The following RBFOX1 variants were observed in gnomAD, a reference collection of about 807,000 sequenced individuals.
RBFOX1 encodes the protein RNA binding protein fox-1 homolog 1.
RBFOX1 carries 8 observed loss-of-function variants against 57.7 expected under a neutral mutation model. The ratio of observed to expected loss-of-function variants is 0.14; its 90% CI spans 0.08 to 0.25. The LOEUF (loss-of-function observed/expected upper bound fraction) is 0.25, where lower values mean the gene tolerates loss of function less well. Among genes scored for constraint, RBFOX1 ranks in the 10% least tolerant of loss-of-function variants. RBFOX1 has a pLI of 1.00. For synonymous variants in RBFOX1, 326 were observed against 222.4 expected (o/e 1.47, Z -4.15); for missense variants, 611 against 548.5 (o/e 1.11, Z -1.14).
chr16:5,818,272 C>G (rs2055716345), intron 3 of RBFOX1, among the ~76,000 whole-genome samples: 1 of 152,162 alleles, frequency 6.6e-6, no homozygotes, highest in African/African-American at 2.4e-5. Flanking sequence ...AGGCAATGGA[C>G]TGACAGGGTG....
At chr16:6,159,411 C>T (rs563396678) in intron 1 of RBFOX1, among the ~76,000 whole-genome samples, 95 of 152,226 alleles carry the variant, frequency 6.2e-4, no homozygotes, top group Non-Finnish European at 1.0e-3. Context: ...AAGCTCCTTT[C>T]TTCTTAGTGG....
chr16:7,359,234 C>T (rs12925135), intron 4 of RBFOX1, among the ~76,000 whole-genome samples: 29,057 of 151,926 alleles, frequency 0.19, 2,968 homozygotes, highest in African/African-American at 0.25. Flanking sequence ...CTCAGAGGGA[C>T]GATTATGAGA....
chr16:5,445,508 G>A (rs981264475), intron 1 of RBFOX1, among the ~76,000 whole-genome samples: 3 of 152,166 alleles, frequency 2.0e-5, no homozygotes, highest in South Asian at 2.1e-4. Flanking sequence ...TAAAACAACC[G>A]ATCAGTTACA....
chr16:7,190,983 C>T (rs1362020150), intron 4 of RBFOX1, among the ~76,000 whole-genome samples: 3 of 151,820 alleles, frequency 2.0e-5, no homozygotes, highest in African/African-American at 7.3e-5. Context: ...AAAAAGGGGC[C>T]CAGGAATGCG....
At chr16:6,848,569 AAAG>A (rs1270237926) in intron 3 of RBFOX1, among the ~76,000 whole-genome samples, 1 of 152,092 alleles carries the variant, frequency 6.6e-6, no homozygotes, top group Non-Finnish European at 1.5e-5. Context: ...AGATAGAAAA[AAAG>A]GTGATAGAAC....
At chr16:7,303,637 T>C (rs999495087) in intron 4 of RBFOX1, among the ~76,000 whole-genome samples, 6 of 152,028 alleles carry the variant, frequency 3.9e-5, no homozygotes, top group Admixed American at 6.6e-5. Flanking sequence ...AAAAAATCTT[T>C]CCCCTGGACC....
intron 1 of RBFOX1, among the ~76,000 whole-genome samples, chr16:6,280,441 G>C (rs1214092774): frequency 6.6e-6 from 1 of 152,144 alleles, no homozygotes; most frequent in African/African-American, 2.4e-5. Flanking sequence ...GATGGAGACA[G>C]ATTGGAGACA....
chr16:5,301,636 A>AAAC lies in RBFOX1; in HGVS notation c.219+61533_219+61535dup, dbSNP rs1184958941. 5.4e-5 allele frequency among the ~76,000 whole-genome samples: 8 copies of AAAC among 148,946 alleles called. 1 individual carries two copies. The highest frequency in any genetic ancestry group is 8.9e-5 in the Non-Finnish European group (6 of 67,666). ...TCCATCTCAAAAAAAAAAAAAAAAA[A>AAAC]AACACACAAAAACAAAAAACTGAGC... On this transcript the variant is annotated intron_variant, in intron 1 of 2. Transcript: ENST00000585867.
At chr16:5,508,949 G>T (rs976427419) in intron 2 of RBFOX1, among the ~76,000 whole-genome samples, 11 of 152,142 alleles carry the variant, frequency 7.2e-5, no homozygotes, top group African/African-American at 2.7e-4. Flanking sequence ...CTACGTCTTT[G>T]CCCACTCATC....
At position 7,605,946 on chromosome 16, in the gene RBFOX1, C is replaced by T. The variant is rs1043776548; in HGVS notation, c.623-1339C>T. Among the ~76,000 whole-genome samples, 4 of 151,912 alleles carry T rather than the reference C, an allele frequency of 2.6e-5. No homozygotes were observed. The East Asian group carries it at 5.8e-4, about 22-fold the overall frequency. On this transcript the variant is annotated intron_variant, in intron 9 of 15. Coordinates refer to ENST00000550418, the MANE Select transcript of RBFOX1 (RefSeq NM_018723.4). ...CTCTGACTCCCAGCTTCAAGCGATTCTCATGCCTCAGCCTGATTAGTTGTT... is the reference window on the plus strand; with the variant it reads ...CTCTGACTCCCAGCTTCAAGCGATTTTCATGCCTCAGCCTGATTAGTTGTT...
At chr16:7,575,130 C>T (rs540200275) in intron 5 of RBFOX1, among the ~76,000 whole-genome samples, 45 of 151,982 alleles carry the variant, frequency 3.0e-4, no homozygotes, top group African/African-American at 4.1e-4. Context: ...AGGATGGGCT[C>T]AACAATTAAT....
At chr16:5,566,622 ATGTATATATG>A (rs1454414235) in intron 2 of RBFOX1, among the ~76,000 whole-genome samples, 3 of 150,152 alleles carry the variant, frequency 2.0e-5, no homozygotes, top group Non-Finnish European at 4.4e-5. Context: ...ATGTATATGT[ATGTATATATG>A]TGTATATGTG....
chr16:7,175,541 G>A (rs2081492821), intron 4 of RBFOX1, among the ~76,000 whole-genome samples: 1 of 152,138 alleles, frequency 6.6e-6, no homozygotes, highest in Non-Finnish European at 1.5e-5. Context: ...GTGTGAACAT[G>A]CCACAGGTAG....
chr16:6,630,787 T>C (rs778740252), intron 2 of RBFOX1, among the ~76,000 whole-genome samples: 3 of 152,168 alleles, frequency 2.0e-5, no homozygotes, highest in Non-Finnish European at 2.9e-5. Flanking sequence ...AGTTGACCTA[T>C]GTTACCCGAC....
intron 4 of RBFOX1, among the ~76,000 whole-genome samples, chr16:7,178,849 C>T (rs577923171): frequency 2.0e-5 from 3 of 152,274 alleles, no homozygotes; most frequent in African/African-American, 4.8e-5. Flanking sequence ...AAGGAACATA[C>T]TTCATACTTC....
In RBFOX1 at chr16:5,986,726, C is replaced by G. The variant is rs538263225; in HGVS notation, c.351+119391C>G. Reference sequence around the variant, plus strand: ...TGTGTATCAATATTTCACTCCCTTTCATTGCTGAATAGTGTCCCATGGTAT... The same window carrying G: ...TGTGTATCAATATTTCACTCCCTTTGATTGCTGAATAGTGTCCCATGGTAT... On this transcript the variant is annotated intron_variant, in intron 4 of 19. Coordinates refer to the RBFOX1 transcript ENST00000641259. 3.7e-4 allele frequency among the ~76,000 whole-genome samples: 57 copies of G among 152,302 alleles called. 1 individual carries two copies. Among genetic ancestry groups the G allele is most frequent in the South Asian group, 2.5e-3 (12 of 4,830 alleles).
intron 2 of RBFOX1, among the ~76,000 whole-genome samples, chr16:6,460,791 G>T (rs2094899410): frequency 6.8e-6 from 1 of 146,208 alleles, no homozygotes; most frequent in African/African-American, 2.5e-5. Context: ...AAAGATACAT[G>T]CACGTATATG....
In RBFOX1 at chr16:7,324,401, G is replaced by C. The variant is rs77612131; in HGVS notation, c.28-193746G>C. ...TGGAGCACAGAAGGCAGAAGATGTAGAGAGTGCACAAAGAAAAGTCCAGCG... is the reference window on the plus strand; with the variant it reads ...TGGAGCACAGAAGGCAGAAGATGTACAGAGTGCACAAAGAAAAGTCCAGCG... On this transcript the variant is annotated intron_variant, in intron 4 of 15. Transcript: ENST00000550418. 4.2e-3 allele frequency among the ~76,000 whole-genome samples: 636 copies of C among 152,230 alleles called. 2 individuals are homozygous for C. The highest frequency in any genetic ancestry group is 0.015 in the African/African-American group (603 of 41,516).
At chr16:7,620,587 G>A (rs1033102380) in intron 10 of RBFOX1, among the ~76,000 whole-genome samples, 3 of 152,186 alleles carry the variant, frequency 2.0e-5, no homozygotes, top group African/African-American at 7.2e-5. Flanking sequence ...TGATCAGGAG[G>A]TTCTAGCTAA....
Sources: allele counts gnomAD v4.1 joint callset (sites outside exome capture counted in the v4.1 genomes callset), GRCh38; gene constraint gnomAD v4.1.1; transcripts MANE v1.5; gene names NCBI Gene and HGNC (gene_info 2026-07-23, HGNC 2026-07-21).